The following TRANK1 variants were observed in gnomAD, a reference collection of about 807,000 sequenced individuals.
TRANK1 encodes the protein TPR and ankyrin repeat-containing protein 1.
In TRANK1, 198 loss-of-function variants were observed where a neutral mutation model predicts 266.0. The ratio of observed to expected loss-of-function variants is 0.74; its 90% CI spans 0.66 to 0.84. TRANK1 has a LOEUF of 0.84. Ranked by LOEUF, TRANK1 falls within the 40% of genes least tolerant of loss-of-function variation. The pLI, the probability that TRANK1 is intolerant of heterozygous loss-of-function variation, is 0.00. For synonymous variants in TRANK1, 1,396 were observed against 1,384.1 expected (o/e 1.01, Z -0.19); for missense variants, 3,326 against 3,634.6 (o/e 0.92, Z 2.18).
chr3:36,862,276 G>A (rs2079152974), intron 10 of TRANK1, among the ~76,000 whole-genome samples: 1 of 152,052 alleles, frequency 6.6e-6, no homozygotes, highest in Admixed American at 6.6e-5. Context: ...AAAAATCAAG[G>A]ATTACCTAAA....
At chr3:36,926,367 A>G (rs1206663920) in intron 1 of TRANK1, among the ~76,000 whole-genome samples, 1 of 152,230 alleles carries the variant, frequency 6.6e-6, no homozygotes, top group Admixed American at 6.5e-5. Flanking sequence ...TGAGGATGAC[A>G]TTACACTCTT....
At chr3:36,893,447 G>A (rs538070671) in intron 5 of TRANK1, among the ~76,000 whole-genome samples, 11 of 152,170 alleles carry the variant, frequency 7.2e-5, no homozygotes, top group South Asian at 2.1e-4. Flanking sequence ...TGCTGCAGCC[G>A]GCTCCTATCA....
rs764396812 is a variant in TRANK1, at chr3:36,831,171, C to G, written c.8412G>C (p.Glu2804Asp). Residue 2804 changes from glutamate to aspartate, a missense_variant, in exon 22 of 24, where the codon GAG becomes GAC. Physicochemically the swap from Glu to Asp is conservative, Grantham distance 45 (BLOSUM62 2). Coordinates refer to ENST00000645898, the MANE Select transcript of TRANK1 (RefSeq NM_001329998.2). This position sits in a 1 kb window ranked among gnomAD's most constrained non-coding sequence, Gnocchi z 5.0. ...ASEVAVLSRA[E>D]LEREECQERN... Reference sequence around the variant, plus strand: ...TCTCCTGACACTCCTCCCTTTCCAGCTCAGCCCTGGAAAGGACTGCCACCT... The same window carrying G: ...TCTCCTGACACTCCTCCCTTTCCAGGTCAGCCCTGGAAAGGACTGCCACCT... The G allele has an allele frequency of 6.2e-7, 1 of 1,614,024 alleles. No homozygotes were observed. Among genetic ancestry groups the G allele is most frequent in the South Asian group, 1.1e-5 (1 of 91,082 alleles).
In TRANK1 at chr3:36,838,596, G is replaced by A; in HGVS notation, c.5384+17C>T. 1.9e-6 allele frequency: 3 copies of A among 1,613,930 alleles called. No homozygotes were observed. Among genetic ancestry groups the A allele is most frequent in the Non-Finnish European group, 2.5e-6 (3 of 1,179,846 alleles). On this transcript the variant is annotated intron_variant, in intron 19 of 23. Coordinates refer to ENST00000645898, the MANE Select transcript of TRANK1 (RefSeq NM_001329998.2). The stretch of plus-strand genomic sequence containing the variant: ...ACTCCCATCGGAGCAAACCAGAAGT[G>A]ATCCCAAGACTCTTACTTGGGGCTG...
intron 1 of TRANK1, among the ~76,000 whole-genome samples, chr3:36,913,030 T>G (rs1049472732): frequency 4.5e-4 from 65 of 144,066 alleles, no homozygotes; most frequent in Non-Finnish European, 8.3e-4. Context: ...TATGTCTCTT[T>G]TGTGTGTGTG....
intron 1 of TRANK1, among the ~76,000 whole-genome samples, chr3:36,917,948 GA>G (rs1278678569): frequency 6.6e-6 from 1 of 152,162 alleles, no homozygotes; most frequent in Admixed American, 6.5e-5. Flanking sequence ...AAAAATGCTT[GA>G]GTAACACTAC....
chr3:36,882,229 T>C (rs555047954), intron 8 of TRANK1, among the ~76,000 whole-genome samples: 73 of 152,234 alleles, frequency 4.8e-4, no homozygotes, highest in Non-Finnish European at 2.6e-4. Context: ...GTTTTCCACT[T>C]CCTTGTCAAC....
At chr3:36,930,295 G>C (rs9870219) in intron 1 of TRANK1, among the ~76,000 whole-genome samples, 64 of 152,070 alleles carry the variant, frequency 4.2e-4, no homozygotes, top group Non-Finnish European at 7.5e-4. Flanking sequence ...CCCAGCTGAC[G>C]GTAAGAAAAT....
intron 1 of TRANK1, among the ~76,000 whole-genome samples, chr3:36,922,913 G>T (rs370654165): frequency 6.6e-6 from 1 of 152,282 alleles, no homozygotes; most frequent in East Asian, 1.9e-4. Flanking sequence ...AGGAAGTCAC[G>T]CTGGCAGGGC....
chr3:36,886,129 G>GT (rs10563870), intron 8 of TRANK1, among the ~76,000 whole-genome samples: 2,693 of 100,866 alleles, frequency 0.027, 31 homozygotes, highest in Middle Eastern at 0.04. Context: ...TGTTGTTGTT[G>GT]TTTTTTTTTT....
intron 8 of TRANK1, among the ~76,000 whole-genome samples, chr3:36,888,232 C>A (rs2079635447): frequency 6.6e-6 from 1 of 152,116 alleles, no homozygotes; most frequent in Non-Finnish European, 1.5e-5. Context: ...GTGAAAGAAG[C>A]CAGTCACAAA....
intron 16 of TRANK1, among the ~76,000 whole-genome samples, chr3:36,846,809 T>A (rs1164889831): frequency 6.6e-6 from 1 of 152,220 alleles, no homozygotes; most frequent in African/African-American, 2.4e-5. Context: ...TCCCAAAGAT[T>A]ACATCTTACA....
intron 15 of TRANK1, chr3:36,851,092 C>T (rs1242414553): frequency 1.0e-6 from 1 of 985,370 alleles, no homozygotes; most frequent in Non-Finnish European, 1.2e-6. Flanking sequence ...GAGAAAAACC[C>T]ACAAGGACTC....
chr3:36,907,625 C>T (rs947311515), intron 2 of TRANK1, among the ~76,000 whole-genome samples: 3 of 151,646 alleles, frequency 2.0e-5, no homozygotes, highest in Admixed American at 6.6e-5. Context: ...CCACCACACC[C>T]GGCTAATCTG....
intron 11 of TRANK1, among the ~76,000 whole-genome samples, chr3:36,859,512 T>A (rs1158924252): frequency 6.6e-6 from 1 of 152,068 alleles, no homozygotes; most frequent in Admixed American, 6.6e-5. Flanking sequence ...AGTGAGAACA[T>A]GCCACATCCC....
In TRANK1 at chr3:36,856,368, C is replaced by A; in HGVS notation, c.3354G>T (p.Arg1118Ser). 1 of 1,586,774 alleles carries A rather than the reference C, an allele frequency of 6.3e-7. No individual in the cohort carries two copies. Among genetic ancestry groups the A allele is most frequent in the East Asian group, 2.3e-5 (1 of 43,262 alleles). The stretch of plus-strand genomic sequence containing the variant: ...TCTCTTTTCCGGGTTCCACTTCCAA[C>A]CTTCTCTTCAGCCAGACCTGTTTGG... Reference protein sequence around the residue: ...LLAKQVWLKRRLEVEPGKESP... With the variant: ...LLAKQVWLKRSLEVEPGKESP... Residue 1118 changes from arginine to serine, a missense_variant, in exon 13 of 24, where the codon AGG becomes AGT. Physicochemically the swap from Arg to Ser is moderately radical, Grantham distance 110. Coordinates refer to ENST00000645898, the MANE Select transcript of TRANK1 (RefSeq NM_001329998.2).
chr3:36,853,856 GGAA>G (rs2079015659), intron 13 of TRANK1, among the ~76,000 whole-genome samples: 1 of 152,150 alleles, frequency 6.6e-6, no homozygotes, highest in East Asian at 1.9e-4. Flanking sequence ...CCGTGGAGTG[GGAA>G]GAAGGACACA....
At chr3:36,849,417 C>T (rs2078958630) in intron 15 of TRANK1, among the ~76,000 whole-genome samples, 1 of 152,190 alleles carries the variant, frequency 6.6e-6, no homozygotes, top group Non-Finnish European at 1.5e-5. Flanking sequence ...CAAGAGATGG[C>T]TCTGGTGACC....
intron 3 of TRANK1, among the ~76,000 whole-genome samples, chr3:36,900,373 T>C (rs533320077): frequency 6.6e-6 from 1 of 152,222 alleles, no homozygotes; most frequent in East Asian, 1.9e-4. Context: ...ATTTACTGAG[T>C]TCTACATTAT....
Sources: allele counts gnomAD v4.1 joint callset (sites outside exome capture counted in the v4.1 genomes callset), GRCh38; gene constraint gnomAD v4.1.1; non-coding constraint Gnocchi (gnomAD v3.1); transcripts MANE v1.5; gene names NCBI Gene and HGNC (gene_info 2026-07-23, HGNC 2026-07-21).